The following KANK3 variants were observed in gnomAD, a reference collection of about 807,000 sequenced individuals.
KANK3 encodes KN motif and ankyrin repeat domain-containing protein 3.
A neutral mutation model predicts 65.4 loss-of-function variants in KANK3; 61 were observed. The ratio of observed to expected loss-of-function variants is 0.93; its 90% confidence interval spans 0.76 to 1.15. The LOEUF is 1.15. KANK3 is among the 50% of genes most tolerant of loss of function. The pLI, the probability that KANK3 is intolerant of heterozygous loss-of-function variation, is 0.00. For missense variants in KANK3, 1,187 were observed against 1,178.8 expected, an observed-to-expected ratio of 1.01 and a Z score of -0.10; for synonymous variants, 586 against 543.3, an observed-to-expected ratio of 1.08 and a Z score of -1.09.
rs902591463 is a variant in KANK3, at chr19:8,335,371, G to A, written c.456C>T (p.Ser152=). The A allele has an allele frequency of 2.5e-6, 3 of 1,196,486 alleles. No individual in the cohort carries two copies. The highest frequency in any genetic ancestry group is 4.5e-5 in the Admixed American group (1 of 22,312). 74.1% of individuals were successfully genotyped at this position (1,196,486 alleles called of 1,614,324 possible). A position where few individuals can be genotyped will look rare whatever the true frequency, so the allele number is the denominator to read the frequency against. Residue 152 remains serine (S), a synonymous_variant, in exon 3 of 11, where the codon AGC becomes AGT. Coordinates refer to ENST00000330915, the MANE Select transcript of KANK3 (RefSeq NM_198471.3). Reference sequence around the variant, plus strand: ...GGCTGCGCGGGACCCCGCGGCCGGGGCTGGGCGCGCGCTCGTGTGTCTGCG... The same window carrying A: ...GGCTGCGCGGGACCCCGCGGCCGGGACTGGGCGCGCGCTCGTGTGTCTGCG... ...ELAQTHERAP[S]PGRGVPRSPR...
chr19:8,322,906 C>G lies in KANK3; in HGVS notation c.2399G>C (p.Gly800Ala). Residue 800 changes from glycine to alanine, a missense_variant, in exon 11 of 11, where the codon GGC (glycine) becomes GCC (alanine). Gly to Ala is a moderately conservative substitution (Grantham distance 60, BLOSUM62 0). Coordinates refer to ENST00000330915, the MANE Select transcript of KANK3 (RefSeq NM_198471.3). ...TTCACCAGGTGTGGCTGTCTGGGAG[C>G]CAGGGGGTGACTCGCTCTGGAGAGA... ...QPDTQSESPP[G>A]SQTATPGEGE... The G allele has an allele frequency of 6.5e-7, 1 of 1,544,260 alleles. No homozygotes were observed. The highest frequency in any genetic ancestry group is 8.7e-7 in the Non-Finnish European group (1 of 1,145,140).
intron 7 of KANK3, among the ~76,000 whole-genome samples, chr19:8,329,067 A>G (rs1213453067): frequency 6.7e-6 from 1 of 149,822 alleles, no homozygotes; most frequent in Non-Finnish European, 1.5e-5. Context: ...GCTGCTGGGG[A>G]GGCTGAGGAA....
chr19:8,333,714 G>A lies in KANK3; in HGVS notation c.1719+10C>T, dbSNP rs1204545384. 1 of 1,449,864 alleles carries A rather than the reference G, an allele frequency of 6.9e-7. No homozygotes were observed. The highest frequency in any genetic ancestry group is 2.6e-5 in the East Asian group (1 of 39,040). 89.8% of individuals were successfully genotyped at this position (1,449,864 alleles called of 1,614,324 possible). A position where few individuals can be genotyped will look rare whatever the true frequency, so the allele number is the denominator to read the frequency against. On this transcript the variant is annotated intron_variant, in intron 6 of 10. Transcript: ENST00000330915. The surrounding 1 kb of genome is among the most constrained non-coding windows in gnomAD (Gnocchi z 5.0). ...GCCACTCCCTGGTGCTGCGCTCCCG[G>A]GGCACTCACGCCGTCGCTGGCTACT...
chr19:8,337,756 T>C lies in KANK3; in HGVS notation c.34+39A>G, dbSNP rs199697764. The C allele has an allele frequency of 9.0e-4, 1,454 of 1,607,172 alleles. 1 individual carries two copies. Among genetic ancestry groups the C allele is most frequent in the Non-Finnish European group, 1.2e-3 (1,369 of 1,177,158 alleles). ...AGGGCATCAAGCGTTTCTCTGTGCATGCGCACACACACACACATCTCTCTT... is the reference window on the plus strand; with the variant it reads ...AGGGCATCAAGCGTTTCTCTGTGCACGCGCACACACACACACATCTCTCTT... On this transcript the variant is annotated intron_variant, in intron 2 of 10. Transcript: ENST00000330915.
chr19:8,334,595 T>C lies in KANK3; in HGVS notation c.1232A>G (p.Lys411Arg). 1 of 1,589,584 alleles carries C rather than the reference T, an allele frequency of 6.3e-7. No individual in the cohort carries two copies. The highest frequency in any genetic ancestry group is 8.5e-7 in the Non-Finnish European group (1 of 1,175,550). ...TGCCGGGGACTCGGTCTGCGCGGCC[T>C]TTTCGGCACAGCTCCACGGGGTCTG... ...TTQTPWSCAE[K>R]AAQTESPAEA... is the part of the protein sequence containing the mutation. Residue 411 changes from lysine (K) to arginine (R), a missense_variant, in exon 3 of 11, where the codon AAG (lysine) becomes AGG (arginine). Lys to Arg is a conservative substitution (Grantham distance 26, BLOSUM62 2). This residue lies in a region of KANK3 where 1,078 missense variants were observed against 1,038.2 expected (regional missense o/e 1.04). Transcript: ENST00000330915.
chr19:8,335,597 C>A lies in KANK3; in HGVS notation c.230G>T (p.Arg77Leu), dbSNP rs1252994844. Residue 77 changes from arginine (R) to leucine (L), a missense_variant, in exon 3 of 11, where the codon CGG becomes CTG. Coordinates refer to ENST00000330915, the MANE Select transcript of KANK3 (RefSeq NM_198471.3). The stretch of plus-strand genomic sequence containing the variant: ...GCTACGTGCGCCCGCGAGGCCGGGC[C>A]GGGGCGCGCGGGGACGGCGCGAGGT... The part of the protein sequence containing the change: ...PPTSRRPRAP[R>L]PGLAGARSPG... The A allele has an allele frequency of 8.1e-6, 10 of 1,229,532 alleles. No homozygotes were observed. Among genetic ancestry groups the A allele is most frequent in the Middle Eastern group, 5.3e-4 (2 of 3,746 alleles). 76.2% of individuals were successfully genotyped at this position (1,229,532 alleles called of 1,614,324 possible).
rs567057624 is a variant in KANK3 at position 8,335,739 on chromosome 19, G to T, written c.88C>A (p.Pro30Thr). The T allele has an allele frequency of 2.3e-4, 281 of 1,245,964 alleles. 1 individual carries two copies. In the African/African-American group the frequency reaches 3.7e-3, roughly 17 times the overall value. The allele number at this position is 1,245,964 out of a possible 1,614,324, so 77.2% of individuals were successfully genotyped here. The change falls in exon 3 of 11, where the codon CCG becomes ACG. Residue 30 changes from proline (P) to threonine (T), a missense_variant. Physicochemically the swap from Pro to Thr is conservative, Grantham distance 38. This residue lies in a region of KANK3 where 104 missense variants were observed against 122.1 expected (regional missense o/e 0.85). Coordinates refer to ENST00000330915, the MANE Select transcript of KANK3 (RefSeq NM_198471.3). ...PVPAAGGARS[P>T]SSPYSVETPY... ...GTCTCCACCGAGTAGGGCGAGCTCG[G>T]GCTGCGTGCGCCCCCGGCGGCGGGG...
At position 8,334,175 on chromosome 19, in the gene KANK3, T is replaced by A; in HGVS notation, c.1428-59A>T. The A allele has an allele frequency of 3.4e-6, 5 of 1,492,386 alleles. No individual in the cohort carries two copies. In the South Asian group the frequency reaches 6.5e-5, roughly 19 times the overall value. The allele number at this position is 1,492,386 out of a possible 1,614,324, so 92.4% of individuals were successfully genotyped here. ...CCCCTGTGGGCTCGTTCTGGAGTCCTGCGATGTGGGTGTGGCCGTTCCCAT... is the reference window on the plus strand; with the variant it reads ...CCCCTGTGGGCTCGTTCTGGAGTCCAGCGATGTGGGTGTGGCCGTTCCCAT... On this transcript the variant is annotated intron_variant, in intron 4 of 10. Transcript: ENST00000330915.
At chr19:8,338,802 G>A (rs1396913262) in intron 1 of KANK3, among the ~76,000 whole-genome samples, 4 of 150,070 alleles carry the variant, frequency 2.7e-5, no homozygotes. Context: ...GTGAACCCGG[G>A]AGGCGGAGCT....
intron 10 of KANK3, among the ~76,000 whole-genome samples, chr19:8,324,149 G>A (rs1012796696): frequency 1.3e-5 from 2 of 152,118 alleles, no homozygotes; most frequent in Admixed American, 6.6e-5. Context: ...CCTGCCAGGC[G>A]CTCTGGTTTC....
intron 7 of KANK3, 41 bp from the exon 8 acceptor site, chr19:8,325,137 C>T (rs201126641): frequency 2.2e-5 from 34 of 1,571,482 alleles, no homozygotes; most frequent in East Asian, 2.0e-4. Flanking sequence ...ATGCCAACAC[C>T]GCGGCCCGAC....
rs1970612379 is a variant in KANK3 at position 8,335,197 on chromosome 19, C to A, written c.630G>T (p.Leu210=). 3.3e-6 allele frequency: 4 copies of A among 1,215,238 alleles called. No individual in the cohort carries two copies. The highest frequency in any genetic ancestry group is 4.1e-6 in the Non-Finnish European group (4 of 977,888). 75.3% of individuals were successfully genotyped at this position (1,215,238 alleles called of 1,614,324 possible). The change falls in exon 3 of 11, where the codon CTG becomes CTT. Residue 210 remains leucine (L), a synonymous_variant. Transcript: ENST00000330915. ...CGCGCAGCGCGCGCACCTGCTCCTG[C>A]AGCTCGGGCAGCGTTCGCGCCTGGT... ...LEDQARTLPE[L]QEQVRALRAE...
At chr19:8,330,732 A>AC (rs1006709834) in intron 7 of KANK3, among the ~76,000 whole-genome samples, 8 of 150,566 alleles carry the variant, frequency 5.3e-5, no homozygotes, top group African/African-American at 2.0e-4. Context: ...CCATCTCAAA[A>AC]AAAAAAATAC....
chr19:8,327,078 T>A (rs1179040091), intron 7 of KANK3, among the ~76,000 whole-genome samples: 3 of 152,034 alleles, frequency 2.0e-5, no homozygotes, highest in Non-Finnish European at 4.4e-5. Flanking sequence ...CTCTGAGGAT[T>A]GAGGTAGTTT....
intron 10 of KANK3, chr19:8,323,151 C>T (rs1454541226): frequency 1.0e-5 from 4 of 383,466 alleles, no homozygotes; most frequent in East Asian, 8.2e-5. Context: ...GGTTACATTC[C>T]GGTGAGTACA....
Position 8,335,166 on chromosome 19 carries a change from T to C in KANK3, c.661A>G (p.Lys221Glu). The change falls in exon 3 of 11, where the codon AAG becomes GAG. Residue 221 changes from lysine (K) to glutamate (E), a missense_variant. Transcript: ENST00000330915. ...GCGCGCCCGGCCAGCAGCCGCGCCTTCTCGGCGCGCAGCGCGCGCACCTGC... is the reference window on the plus strand; with the variant it reads ...GCGCGCCCGGCCAGCAGCCGCGCCTCCTCGGCGCGCAGCGCGCGCACCTGC... ...QEQVRALRAE[K>E]ARLLAGRAQP... 8.2e-7 allele frequency: 1 copy of C among 1,213,940 alleles called. No homozygotes were observed. Among genetic ancestry groups the C allele is most frequent in the Non-Finnish European group, 1.0e-6 (1 of 977,658 alleles). 75.2% of individuals were successfully genotyped at this position (1,213,940 alleles called of 1,614,324 possible).
chr19:8,335,744 C>T lies in KANK3; in HGVS notation c.83G>A (p.Arg28His), dbSNP rs923908450. ...LCPVPAAGGA[R>H]SPSSPYSVET... Reference sequence around the variant, plus strand: ...CACCGAGTAGGGCGAGCTCGGGCTGCGTGCGCCCCCGGCGGCGGGGACCGG... The same window carrying T: ...CACCGAGTAGGGCGAGCTCGGGCTGTGTGCGCCCCCGGCGGCGGGGACCGG... Residue 28 changes from arginine to histidine, a missense_variant, in exon 3 of 11, where the codon CGC (arginine) becomes CAC (histidine). Physicochemically the swap from Arg to His is conservative, Grantham distance 29. Transcript: ENST00000330915. The T allele has an allele frequency of 8.0e-7, 1 of 1,245,076 alleles. No homozygotes were observed. The highest frequency in any genetic ancestry group is 1.0e-6 in the Non-Finnish European group (1 of 990,356). 77.1% of individuals were successfully genotyped at this position (1,245,076 alleles called of 1,614,324 possible).
chr19:8,324,280 C>A (rs10416635), intron 10 of KANK3, among the ~76,000 whole-genome samples, 169 bp downstream of exon 10: 1 of 152,088 alleles, frequency 6.6e-6, no homozygotes, highest in Non-Finnish European at 1.5e-5. Context: ...CAGAGTGAGA[C>A]CCTGTCTCCC....
chr19:8,336,780 C>T (rs1217425378), intron 2 of KANK3, among the ~76,000 whole-genome samples: 1 of 148,496 alleles, frequency 6.7e-6, no homozygotes. Flanking sequence ...AAGCCCTGCA[C>T]GATGAGGAGG....
Sources: allele counts gnomAD v4.1 joint callset (sites outside exome capture counted in the v4.1 genomes callset), GRCh38; gene constraint gnomAD v4.1.1; regional missense constraint gnomAD v4.1.1; non-coding constraint Gnocchi (gnomAD v3.1); transcripts MANE v1.5; gene names NCBI Gene and HGNC (gene_info 2026-07-23, HGNC 2026-07-21).